Variants in CNTNAP5 observed in about 807,000 individuals in gnomAD.
CNTNAP5 encodes the protein contactin-associated protein-like 5.
Under a neutral mutation model 150.2 loss-of-function variants are expected in CNTNAP5, and 72 were observed. That is an observed-to-expected ratio of 0.48 (90% CI 0.40 to 0.58). The LOEUF (loss-of-function observed/expected upper bound fraction) is 0.58. Among genes scored for constraint, CNTNAP5 ranks in the 20% least tolerant of loss-of-function variants. The pLI is 0.00. For missense variants in CNTNAP5, 1,636 were observed against 1,626.2 expected (o/e 1.01, Z -0.10); for synonymous variants, 672 against 619.8 (o/e 1.08, Z -1.25).
At chr2:124,275,121 T>C (rs1307931810) in intron 3 of CNTNAP5, among the ~76,000 whole-genome samples, 1 of 152,090 alleles carries the variant, frequency 6.6e-6, no homozygotes. Flanking sequence ...ACATATTCAC[T>C]ATCATGAGAA....
chr2:124,698,345 G>T (rs1679448287), intron 13 of CNTNAP5, among the ~76,000 whole-genome samples: 2 of 147,414 alleles, frequency 1.4e-5, no homozygotes, highest in African/African-American at 2.5e-5. Flanking sequence ...CAAAACTCAA[G>T]ATTTTAATAT....
At chr2:124,331,847 C>G (rs1287671825) in intron 3 of CNTNAP5, among the ~76,000 whole-genome samples, 1 of 151,906 alleles carries the variant, frequency 6.6e-6, no homozygotes, top group East Asian at 1.9e-4. Flanking sequence ...GTAATTCACT[C>G]AAAAGATTAA....
intron 1 of CNTNAP5, among the ~76,000 whole-genome samples, chr2:124,196,064 A>T (rs528708520): frequency 4.8e-5 from 7 of 146,638 alleles, no homozygotes; most frequent in African/African-American, 1.7e-4. Flanking sequence ...CAGGTAAAAA[A>T]TAGCAGTTTT....
intron 19 of CNTNAP5, among the ~76,000 whole-genome samples, chr2:124,819,106 A>T: frequency 6.6e-6 from 1 of 152,012 alleles, no homozygotes; most frequent in East Asian, 1.9e-4. Flanking sequence ...ATCAGCCCCA[A>T]CCTTCACTCT....
At chr2:124,529,803 C>G (rs1348218673) in intron 10 of CNTNAP5, among the ~76,000 whole-genome samples, 1 of 152,146 alleles carries the variant, frequency 6.6e-6, no homozygotes, top group East Asian at 1.9e-4. Flanking sequence ...TCTCTTCTTA[C>G]TCTGAGACCC....
intron 3 of CNTNAP5, among the ~76,000 whole-genome samples, chr2:124,371,985 T>C (rs1394847820): frequency 6.6e-6 from 1 of 152,010 alleles, no homozygotes; most frequent in Non-Finnish European, 1.5e-5. Context: ...TGTGAGGGTG[T>C]TTCCAGAGGA....
At chr2:124,554,653 C>T (rs1248825951) in intron 10 of CNTNAP5, among the ~76,000 whole-genome samples, 3 of 152,046 alleles carry the variant, frequency 2.0e-5, no homozygotes, top group Non-Finnish European at 4.4e-5. Flanking sequence ...AACACCTGAC[C>T]TCAAGCAATC....
chr2:124,349,874 CTTTTTTTTTTTTT>C lies in CNTNAP5; in HGVS notation c.382-67553_382-67541del, dbSNP rs70996061. ...GTTTTGAAATGACTTCTGGCTATTT[CTTTTTTTTTTTTT>C]TTTTTTTTTTTTTTTGAGACAGAGT... On this transcript the variant is annotated intron_variant, in intron 3 of 23. Transcript: ENST00000682447. Among the ~76,000 whole-genome samples, 9 of 81,826 alleles carry C rather than the reference CTTTTTTTTTTTTT, an allele frequency of 1.1e-4. No homozygotes were observed. The South Asian group carries it at 3.5e-3, about 32-fold the overall frequency. The allele number at this position is 81,826 out of a possible 152,430, so 53.7% of individuals were successfully genotyped here.
rs1264577574 is a variant in CNTNAP5, at chr2:124,417,487, G to A, written c.426G>A (p.Lys142=). The A allele has an allele frequency of 6.2e-7, 1 of 1,613,748 alleles. No homozygotes were observed. The highest frequency in any genetic ancestry group is 1.3e-5 in the African/African-American group (1 of 74,892). ...ATGCTGACAGCGTGGTGCACCACAA[G>A]CTATTGCACTCAGTGAGAGCCCGAT... ...NMNADSVVHH[K]LLHSVRARFV... Residue 142 remains lysine (K), a synonymous_variant, in exon 4 of 24, where the codon AAG becomes AAA. Transcript: ENST00000682447.
At chr2:124,629,936 C>CAAAAAAAAAAAAAAA (rs70996084) in intron 12 of CNTNAP5, among the ~76,000 whole-genome samples, 25 of 67,728 alleles carry the variant, frequency 3.7e-4, no homozygotes, top group African/African-American at 6.1e-4. Flanking sequence ...CACCTCTATG[C>CAAAAAAAAAAAAAAA]AAAAAAAAAA....
intron 12 of CNTNAP5, among the ~76,000 whole-genome samples, chr2:124,636,166 C>T (rs190660587): frequency 2.6e-5 from 4 of 152,314 alleles, no homozygotes; most frequent in Admixed American, 2.6e-4. Context: ...TCCCAGCACT[C>T]ACATTTCCTA....
At chr2:124,693,072 A>G (rs533864942) in intron 13 of CNTNAP5, among the ~76,000 whole-genome samples, 3 of 152,226 alleles carry the variant, frequency 2.0e-5, no homozygotes, top group South Asian at 2.1e-4. Context: ...AGGTGGCAGC[A>G]TGGCTTGGTA....
intron 3 of CNTNAP5, among the ~76,000 whole-genome samples, chr2:124,344,428 C>CA (rs1205573208): frequency 6.6e-6 from 1 of 151,882 alleles, no homozygotes; most frequent in Non-Finnish European, 1.5e-5. Context: ...ATCCTCCTTC[C>CA]AAAAAAGAGA....
At chr2:124,477,167 A>AT (rs1693661109) in intron 7 of CNTNAP5, among the ~76,000 whole-genome samples, 1 of 152,008 alleles carries the variant, frequency 6.6e-6, no homozygotes, top group African/African-American at 2.4e-5. Flanking sequence ...TTCAACTGAC[A>AT]TTTTTTCTTT....
Position 124,431,685 on chromosome 2 carries a change from A to C in CNTNAP5, c.530-2799A>C, listed in dbSNP as rs372160495. 2.7e-5 allele frequency among the ~76,000 whole-genome samples: 4 copies of C among 146,354 alleles called. No homozygotes were observed. The East Asian group carries it at 5.9e-4, about 22-fold the overall frequency. ...TAATTTCTTTATATAAATATAAATA[A>C]ATTTTAATAAATAAAATTTAATAAA... On this transcript the variant is annotated intron_variant, in intron 4 of 23. Coordinates refer to ENST00000682447, the MANE Select transcript of CNTNAP5 (RefSeq NM_001367498.1).
intron 2 of CNTNAP5, among the ~76,000 whole-genome samples, chr2:124,241,271 G>A (rs1394398427): frequency 6.6e-6 from 1 of 151,846 alleles, no homozygotes; most frequent in Non-Finnish European, 1.5e-5. Context: ...CAAAATTCTC[G>A]GGCCAAAACA....
At chr2:124,851,114 C>T (rs1435812360) in intron 19 of CNTNAP5, among the ~76,000 whole-genome samples, 3 of 152,106 alleles carry the variant, frequency 2.0e-5, no homozygotes, top group Non-Finnish European at 4.4e-5. Flanking sequence ...CCTGGAATTC[C>T]AACACTTTGG....
In CNTNAP5 at chr2:124,790,824, G is replaced by C. The variant is rs987455486; in HGVS notation, c.2992+683G>C. On this transcript the variant is annotated intron_variant, in intron 18 of 23. Coordinates refer to ENST00000682447, the MANE Select transcript of CNTNAP5 (RefSeq NM_001367498.1). ...ATATACACCTTGGACAAGGAATGAG[G>C]ATCATTGCTTAAATTCTCTAGATAA... Among the ~76,000 whole-genome samples, 16 of 152,124 alleles carry C rather than the reference G, an allele frequency of 1.1e-4. 1 individual carries two copies. Among genetic ancestry groups the C allele is most frequent in the Non-Finnish European group, 5.9e-5 (4 of 68,036 alleles).
intron 19 of CNTNAP5, among the ~76,000 whole-genome samples, chr2:124,824,140 A>G (rs1188377354): frequency 6.6e-6 from 1 of 150,702 alleles, no homozygotes; most frequent in Non-Finnish European, 1.5e-5. Context: ...CTGGTCTTGA[A>G]CTCTTGACCT....
Sources: allele counts gnomAD v4.1 joint callset (sites outside exome capture counted in the v4.1 genomes callset), GRCh38; gene constraint gnomAD v4.1.1; transcripts MANE v1.5; gene names NCBI Gene and HGNC (gene_info 2026-07-23, HGNC 2026-07-21).